Variants in NEBL observed in about 807,000 individuals in gnomAD.
NEBL encodes the protein LIM and SH3 protein 2.
A neutral mutation model predicts 140.2 loss-of-function variants in NEBL; 122 were observed. That is an observed-to-expected ratio of 0.87 (90% CI 0.75 to 1.01). The LOEUF is 1.01. Ranked by LOEUF, NEBL falls within the 50% of genes least tolerant of loss-of-function variation. The probability of loss-of-function intolerance (pLI) is 0.00; values close to 1 mark genes in which losing one functional copy is unlikely to be tolerated. For synonymous variants in NEBL, 436 were observed against 398.9 expected (o/e 1.09, Z -1.11); for missense variants, 1,365 against 1,231.3 (o/e 1.11, Z -1.62).
At chr10:21,215,028 A>T (rs1369845867) in intron 3 of NEBL, among the ~76,000 whole-genome samples, 1 of 152,158 alleles carries the variant, frequency 6.6e-6, no homozygotes, top group East Asian at 1.9e-4. Context: ...CTCCGACCCC[A>T]TGAAGAGATG....
intron 2 of NEBL, among the ~76,000 whole-genome samples, chr10:21,169,967 TG>T (rs1841003227): frequency 6.6e-6 from 1 of 152,178 alleles, no homozygotes; most frequent in African/African-American, 2.4e-5. Flanking sequence ...CATTTCCTTT[TG>T]GGGCCCACAT....
rs1447912777 is a variant in NEBL, at chr10:20,888,191, G to C, written c.275C>G (p.Thr92Ser). 3.3e-5 allele frequency: 53 copies of C among 1,609,692 alleles called. No homozygotes were observed. Among genetic ancestry groups the C allele is most frequent in the Non-Finnish European group, 4.3e-5 (51 of 1,177,554 alleles). ...AFISEAKYKGTIKADLSNSLY... is the reference protein window; with the variant it reads ...AFISEAKYKGSIKADLSNSLY... ...AGAATTAGAAAGGTCAGCTTTAATG[G>C]TGCCTTTGTATTTTGCCTGGGGGAA... Residue 92 changes from threonine (T) to serine (S), a missense_variant, in exon 4 of 28, where the codon ACC becomes AGC. Around this residue, in one of 2 missense-constraint regions of NEBL, gnomAD observed 1,323 missense variants for 1,154.8 expected, o/e 1.15. Coordinates refer to ENST00000377122, the MANE Select transcript of NEBL (RefSeq NM_006393.3).
At chr10:21,156,380 A>C (rs1336121719) in intron 2 of NEBL, among the ~76,000 whole-genome samples, 1 of 152,248 alleles carries the variant, frequency 6.6e-6, no homozygotes, top group Non-Finnish European at 1.5e-5. Flanking sequence ...ATGAGGAGGA[A>C]AAGAGAGCAG....
chr10:21,154,901 C>A (rs1840279715), intron 2 of NEBL, among the ~76,000 whole-genome samples: 3 of 152,060 alleles, frequency 2.0e-5, no homozygotes, highest in Admixed American at 1.3e-4. Context: ...GCATACAATG[C>A]ATAATAATCA....
chr10:20,924,413 T>TAAA (rs71390800), intron 4 of NEBL, among the ~76,000 whole-genome samples: 836 of 59,048 alleles, frequency 0.014, 40 homozygotes, highest in African/African-American at 0.047. Context: ...AGGCATGAAG[T>TAAA]AAAAAAAAAA....
chr10:20,937,495 T>C (rs980100877), intron 4 of NEBL, among the ~76,000 whole-genome samples: 2 of 152,110 alleles, frequency 1.3e-5, no homozygotes, highest in Non-Finnish European at 2.9e-5. Flanking sequence ...AGCTCCAGTC[T>C]ACAGCTCCCA....
chr10:20,888,040 T>C, intron 4 of NEBL, 57 bp downstream of exon 4: 2 of 1,238,684 alleles, frequency 1.6e-6, no homozygotes, highest in Non-Finnish European at 2.4e-6. Flanking sequence ...CTAAGTAGCT[T>C]TTTTCCAGTT....
Position 20,808,610 on chromosome 10 carries a change from A to G in NEBL, c.2661T>C (p.Ser887=). Residue 887 remains serine (S), a synonymous_variant, in exon 26 of 28, where the codon AGT becomes AGC. Transcript: ENST00000377122. Reference sequence around the variant, plus strand: ...CGTCTCCGAGACCTGTACCGAAAGTACTGCTGGAATGGGATCGAGACCAGT... The same window carrying G: ...CGTCTCCGAGACCTGTACCGAAAGTGCTGCTGGAATGGGATCGAGACCAGT... ...RRHWSRSHSS[S]TFGTGLGDDR... The G allele has an allele frequency of 1.2e-6, 2 of 1,613,516 alleles. No individual in the cohort carries two copies. The highest frequency in any genetic ancestry group is 1.7e-6 in the Non-Finnish European group (2 of 1,179,444).
chr10:20,981,843 T>G (rs905713807), intron 3 of NEBL, among the ~76,000 whole-genome samples: 4 of 152,156 alleles, frequency 2.6e-5, no homozygotes, highest in African/African-American at 9.7e-5. Context: ...ATAAACAGCC[T>G]ATGAGCCCCT....
Position 20,946,665 on chromosome 10 carries a change from C to T in NEBL, c.357+15007G>A, listed in dbSNP as rs114899055. Among the ~76,000 whole-genome samples the T allele has an allele frequency of 2.1e-3, 327 of 152,218 alleles. 2 individuals carry two copies. The highest frequency in any genetic ancestry group is 7.2e-3 in the African/African-American group (301 of 41,536). Reference sequence around the variant, plus strand: ...TTGGTAGAGACGAGGTTTCACCACGCTGTTGGCCAGGCTGGTCTCAAACAC... The same window carrying T: ...TTGGTAGAGACGAGGTTTCACCACGTTGTTGGCCAGGCTGGTCTCAAACAC... On this transcript the variant is annotated intron_variant, in intron 4 of 6. Coordinates refer to the NEBL transcript ENST00000417816.
intron 2 of NEBL, among the ~76,000 whole-genome samples, chr10:21,152,676 A>T (rs1427623617): frequency 6.6e-6 from 1 of 152,212 alleles, no homozygotes; most frequent in East Asian, 1.9e-4. Flanking sequence ...CCAATTGTAC[A>T]TCAAGTAATA....
chr10:21,093,425 A>G lies in NEBL; in HGVS notation c.165-73224T>C, dbSNP rs976323677. 1.3e-4 allele frequency among the ~76,000 whole-genome samples: 20 copies of G among 152,160 alleles called. 1 individual carries two copies. The highest frequency in any genetic ancestry group is 9.2e-4 in the Admixed American group (14 of 15,274). On this transcript the variant is annotated intron_variant, in intron 2 of 6. Coordinates refer to the NEBL transcript ENST00000417816. ...CTTGCTCTGTCTCCTCCTCTCACCC[A>G]TCAAGTCAAGGGAACCAGACGCCCA...
At chr10:20,876,174 G>C (rs371412093) in intron 5 of NEBL, among the ~76,000 whole-genome samples, 1 of 152,172 alleles carries the variant, frequency 6.6e-6, no homozygotes, top group Non-Finnish European at 1.5e-5. Context: ...ATTCAGAAGA[G>C]AGAAAAAGTT....
intron 1 of NEBL, among the ~76,000 whole-genome samples, chr10:21,266,108 T>A (rs1265185873): frequency 6.6e-6 from 1 of 151,902 alleles, no homozygotes; most frequent in African/African-American, 2.4e-5. Context: ...TCACCAGGTA[T>A]GCTGATTTTT....
At chr10:20,894,222 C>T (rs1014575973) in intron 2 of NEBL, among the ~76,000 whole-genome samples, 1 of 152,216 alleles carries the variant, frequency 6.6e-6, no homozygotes, top group South Asian at 2.1e-4. Context: ...GTAATCCCAG[C>T]ACTCTGGGAG....
intron 18 of NEBL, among the ~76,000 whole-genome samples, chr10:20,824,504 A>G (rs553242997): frequency 1.0e-3 from 153 of 152,354 alleles, no homozygotes; most frequent in Admixed American, 1.6e-3. Context: ...CAGAGAGCTA[A>G]CAGCTAAAAG....
intron 2 of NEBL, among the ~76,000 whole-genome samples, chr10:21,095,263 G>A (rs1371419716): frequency 1.3e-5 from 2 of 152,146 alleles, no homozygotes; most frequent in African/African-American, 2.4e-5. Flanking sequence ...TATCTAGGGA[G>A]TGGTAAAAGG....
chr10:20,990,473 G>A (rs1837416232), intron 3 of NEBL, among the ~76,000 whole-genome samples: 1 of 152,172 alleles, frequency 6.6e-6, no homozygotes, highest in Non-Finnish European at 1.5e-5. Flanking sequence ...AGGATACAGA[G>A]AGAAGACAGC....
intron 2 of NEBL, among the ~76,000 whole-genome samples, chr10:21,067,446 C>A (rs1379923579): frequency 6.6e-6 from 1 of 151,946 alleles, no homozygotes; most frequent in African/African-American, 2.4e-5. Flanking sequence ...GGATTATAAG[C>A]TTTCTTTATA....
Sources: allele counts gnomAD v4.1 joint callset (sites outside exome capture counted in the v4.1 genomes callset), GRCh38; gene constraint gnomAD v4.1.1; regional missense constraint gnomAD v4.1.1; transcripts MANE v1.5; gene names NCBI Gene and HGNC (gene_info 2026-07-23, HGNC 2026-07-21).